Variants in CEP72 observed in about 807,000 individuals in gnomAD.
CEP72 encodes centrosomal protein of 72 kDa.
Under a neutral mutation model 65.7 loss-of-function variants are expected in CEP72, and 78 were observed. The observed-to-expected ratio is 1.19, with a 90% CI of 0.99 to 1.43. The LOEUF (loss-of-function observed/expected upper bound fraction) is 1.43. CEP72 is among the 40% of genes most tolerant of loss of function. CEP72 has a pLI of 0.00. For synonymous variants in CEP72, 358 were observed against 351.7 expected, an observed-to-expected ratio of 1.02 and a Z score of -0.20; for missense variants, 914 against 832.9, an observed-to-expected ratio of 1.10 and a Z score of -1.20.
At chr5:617,342 C>T (rs1736060661) in intron 1 of CEP72, among the ~76,000 whole-genome samples, 1 of 152,156 alleles carries the variant, frequency 6.6e-6, no homozygotes, top group African/African-American at 2.4e-5. Context: ...TCCATGTTGC[C>T]TGGAACTGGA....
intron 11 of CEP72, among the ~76,000 whole-genome samples, chr5:650,617 C>CTG (rs202244196): frequency 2.7e-4 from 1 of 3,718 alleles, no homozygotes; most frequent in Non-Finnish European, 4.1e-4. Context: ...GAGGCGTGGA[C>CTG]TGAGGTGTGA....
intron 6 of CEP72, among the ~76,000 whole-genome samples, chr5:637,207 CA>C (rs934705397): frequency 3.3e-5 from 5 of 152,230 alleles, no homozygotes; most frequent in Non-Finnish European, 7.3e-5. Flanking sequence ...CGTCGGTCAT[CA>C]CGGGGTGAAC....
At chr5:635,887 TCAGGAACCCAGCCC>T (rs1444231835) in intron 6 of CEP72, among the ~76,000 whole-genome samples, 32 of 152,244 alleles carry the variant, frequency 2.1e-4, no homozygotes, top group East Asian at 7.7e-4. Context: ...TCATCCTTTA[TCAGGAACCCAGCCC>T]TGCGATACAG....
At chr5:621,541 C>T (rs910059599) in intron 3 of CEP72, among the ~76,000 whole-genome samples, 4 of 152,238 alleles carry the variant, frequency 2.6e-5, no homozygotes, top group African/African-American at 4.8e-5. Flanking sequence ...GATGAACACC[C>T]GGCAGCCCTC....
chr5:643,513 T>C, intron 9 of CEP72: 1 of 985,362 alleles, frequency 1.0e-6, no homozygotes, highest in Non-Finnish European at 1.2e-6. Context: ...GCGGGTGGGC[T>C]CACTGAGCGG....
rs1416457819 is a variant in CEP72 at position 641,228 on chromosome 5, G to T, written c.1539+624G>T. The T allele has an allele frequency of 3.0e-6, 3 of 985,228 alleles. No individual in the cohort carries two copies. In the African/African-American group the frequency reaches 5.2e-5, roughly 17 times the overall value. The allele number at this position is 985,228 out of a possible 1,614,324, so 61.0% of individuals were successfully genotyped here. A position where few individuals can be genotyped will look rare whatever the true frequency, so the allele number is the denominator to read the frequency against. On this transcript the variant is annotated intron_variant, in intron 9 of 11. Transcript: ENST00000264935. ...GCCTCACGGGACAGGATCCTCCCAG[G>T]CTCCCTCCACGCTGCAAGGGCCTCC... is the stretch of plus-strand genomic sequence containing the variant.
chr5:662,215 T>C (rs1433823625), intron 1 of CEP72: 1 of 152,458 alleles, frequency 6.6e-6, no homozygotes, highest in African/African-American at 2.4e-5. Flanking sequence ...CTGTGGTGAG[T>C]CGGTGCTGGC....
At chr5:641,210 G>GGGACAGGATCCTCCCA (rs1737997138) in intron 9 of CEP72, 1 of 985,210 alleles carries the variant, frequency 1.0e-6, no homozygotes, top group African/African-American at 1.7e-5. Context: ...GAGGCCTCAC[G>GGGACAGGATCCTCCCA]GGACAGGATC....
intron 4 of CEP72, among the ~76,000 whole-genome samples, chr5:666,548 A>G (rs985086927): frequency 1.3e-5 from 2 of 152,260 alleles, no homozygotes; most frequent in Non-Finnish European, 2.9e-5. Context: ...ACACAGGAAC[A>G]TGGTTAGGAG....
chr5:626,410 A>C (rs1175411546), intron 4 of CEP72, among the ~76,000 whole-genome samples: 2 of 152,120 alleles, frequency 1.3e-5, no homozygotes, highest in Non-Finnish European at 2.9e-5. Context: ...TTCCACTCTC[A>C]GTTTGCTGAA....
Position 646,175 on chromosome 5 carries a change from C to T in CEP72, c.1667-1630C>T, listed in dbSNP as rs969809077. ...TGTTTCCAGAACCATCAGTGCGAAGCGAGGACTTGTTGGACTTTCTGTTAG... is the reference window on the plus strand; with the variant it reads ...TGTTTCCAGAACCATCAGTGCGAAGTGAGGACTTGTTGGACTTTCTGTTAG... On this transcript the variant is annotated intron_variant, in intron 10 of 11. Transcript: ENST00000264935. Among the ~76,000 whole-genome samples, 8 of 152,232 alleles carry T rather than the reference C, an allele frequency of 5.3e-5. No individual in the cohort carries two copies. In the East Asian group the frequency reaches 9.6e-4, roughly 18 times the overall value.
intron 1 of CEP72, among the ~76,000 whole-genome samples, chr5:616,074 CAT>C (rs1223734418): frequency 6.6e-6 from 1 of 152,106 alleles, no homozygotes; most frequent in African/African-American, 2.4e-5. Context: ...CAGGAGGAAA[CAT>C]ATTTATCTGC....
intron 1 of CEP72, among the ~76,000 whole-genome samples, chr5:615,529 T>TA (rs1735940831): frequency 6.6e-6 from 1 of 152,262 alleles, no homozygotes; most frequent in Non-Finnish European, 1.5e-5. Context: ...GGTTTTTGCA[T>TA]GGCGTATCTT....
In CEP72 at chr5:633,868, C is replaced by T. The variant is rs371468447; in HGVS notation, c.612C>T (p.Cys204=). ...CAGTCCTGAACCTCATTGCAGAGTG[C>T]GAGTGGGACCTCGGCAGGCCTCCCG... is the stretch of plus-strand genomic sequence containing the variant. ...DEAVLNLIAE[C]EWDLGRPPGS... The change falls in exon 5 of 12, where the codon TGC becomes TGT. Residue 204 remains cysteine, a synonymous_variant. Coordinates refer to ENST00000264935, the MANE Select transcript of CEP72 (RefSeq NM_018140.4). 22 of 1,613,612 alleles carry T rather than the reference C, an allele frequency of 1.4e-5. No individual in the cohort carries two copies. Among genetic ancestry groups the T allele is most frequent in the South Asian group, 1.2e-4 (11 of 91,092 alleles).
downstream of CEP72, chr5:657,085 C>T (rs951856766): frequency 7.9e-5 from 12 of 152,122 alleles, no homozygotes; most frequent in African/African-American, 1.9e-4. Flanking sequence ...TGAGATAAGT[C>T]CAACTTAATA....
exon 5 of CEP72, chr5:666,901 T>C (rs1739939141): frequency 6.6e-6 from 1 of 152,048 alleles, no homozygotes; most frequent in Admixed American, 6.5e-5. Flanking sequence ...TTTTTCAGTG[T>C]TTAAAACAAG....
downstream of CEP72, among the ~76,000 whole-genome samples, chr5:659,140 T>C (rs1349302607): frequency 6.6e-6 from 1 of 152,260 alleles, no homozygotes; most frequent in Non-Finnish European, 1.5e-5. Context: ...TTCTGTCCCA[T>C]GCTTATGGCA....
At chr5:670,749 G>A (rs1740192107), downstream of CEP72, among the ~76,000 whole-genome samples, 2 of 152,178 alleles carry the variant, frequency 1.3e-5, no homozygotes, top group South Asian at 4.1e-4. Context: ...CCTCCCGCAA[G>A]CCCCAGCAAG....
In CEP72 at chr5:635,386, T is replaced by C. The variant is rs776444803; in HGVS notation, c.706T>C (p.Leu236=). 1.2e-6 allele frequency: 2 copies of C among 1,610,722 alleles called. No individual in the cohort carries two copies. The highest frequency in any genetic ancestry group is 2.7e-5 in the African/African-American group (2 of 74,884). ...SRGSQESRHL[L]SPQLVQYQCG... ...TATTTTAATAGAATCCAGACATCTG[T>C]TGAGCCCGCAGTTGGTACAGTACCA... Residue 236 remains leucine (L), a synonymous_variant, in exon 6 of 12, where the codon TTG becomes CTG. Transcript: ENST00000264935.
Sources: gnomAD v4.1 joint callset for allele counts (sites outside exome capture counted in the v4.1 genomes callset) on GRCh38, gnomAD v4.1.1 for gene constraint, MANE v1.5 for transcripts, NCBI Gene and HGNC (gene_info 2026-07-23, HGNC 2026-07-21) for gene names.